The following CSMD3 variants were observed in gnomAD, a reference collection of about 807,000 sequenced individuals.
The protein encoded by CSMD3 is CUB and Sushi multiple domains 3.
In CSMD3, 177 loss-of-function variants were observed where a neutral mutation model predicts 435.2. The observed-to-expected ratio is 0.41, with a 90% CI of 0.36 to 0.46. The LOEUF (loss-of-function observed/expected upper bound fraction) is 0.46, where lower values mean the gene tolerates loss of function less well. Ranked by LOEUF, CSMD3 falls within the 20% of genes least tolerant of loss-of-function variation. The pLI is 0.34. For synonymous variants in CSMD3, 1,656 were observed against 1,520.5 expected (o/e 1.09, Z -2.07); for missense variants, 4,265 against 4,504.6 (o/e 0.95, Z 1.52).
intron 27 of CSMD3, among the ~76,000 whole-genome samples, chr8:112,524,647 T>G (rs2131032089): frequency 6.6e-6 from 1 of 152,072 alleles, no homozygotes; most frequent in South Asian, 2.1e-4. Context: ...CTGAAAAAAT[T>G]ATTAAGCATG....
At chr8:112,984,277 T>C (rs189265367) in intron 6 of CSMD3, among the ~76,000 whole-genome samples, 1 of 152,104 alleles carries the variant, frequency 6.6e-6, no homozygotes, top group Admixed American at 6.6e-5. Flanking sequence ...TACCTTTCAT[T>C]TAGAGAATAT....
At chr8:112,423,890 C>T (rs1404244804) in intron 32 of CSMD3, among the ~76,000 whole-genome samples, 1 of 151,988 alleles carries the variant, frequency 6.6e-6, no homozygotes, top group Non-Finnish European at 1.5e-5. Flanking sequence ...AAGTTCCATG[C>T]GTTGTCTAGG....
rs116156079 is a variant in CSMD3, at chr8:112,546,001, G to A, written c.4564+4670C>T. The stretch of plus-strand genomic sequence containing the variant: ...TAGTAGTTCATTGCTACTAGAAGTA[G>A]CATTTAGCCTATGTCCTGGAAAATG... On this transcript the variant is annotated intron_variant, in intron 27 of 70. Transcript: ENST00000297405. 3.3e-3 allele frequency among the ~76,000 whole-genome samples: 510 copies of A among 152,278 alleles called. 1 individual carries two copies. The highest frequency in any genetic ancestry group is 0.012 in the African/African-American group (488 of 41,560).
At chr8:112,989,439 A>G (rs2085370321) in intron 6 of CSMD3, among the ~76,000 whole-genome samples, 1 of 152,042 alleles carries the variant, frequency 6.6e-6, no homozygotes. Context: ...TCAATATTTT[A>G]TTTCATTCAA....
intron 4 of CSMD3, among the ~76,000 whole-genome samples, chr8:113,163,240 A>G (rs896247903): frequency 2.0e-5 from 3 of 152,076 alleles, no homozygotes; most frequent in African/African-American, 7.2e-5. Context: ...ATTTTTTTGA[A>G]GTTAGTACTT....
At chr8:112,982,072 C>A (rs2085072610) in intron 6 of CSMD3, among the ~76,000 whole-genome samples, 1 of 151,888 alleles carries the variant, frequency 6.6e-6, no homozygotes, top group South Asian at 2.1e-4. Flanking sequence ...TCGTTTCTTG[C>A]TTCACCCAGT....
Position 112,252,179 on chromosome 8 carries a change from C to T in CSMD3, c.10110+2074G>A, listed in dbSNP as rs547706622. 1.2e-3 allele frequency among the ~76,000 whole-genome samples: 186 copies of T among 151,878 alleles called. 1 individual carries two copies. The highest frequency in any genetic ancestry group is 4.1e-3 in the African/African-American group (169 of 41,498). ...GGGCTTCCTAACAGCTGTGATTTTGCGTCATAACTCACTACCGGCCACCTA... is the reference window on the plus strand; with the variant it reads ...GGGCTTCCTAACAGCTGTGATTTTGTGTCATAACTCACTACCGGCCACCTA... On this transcript the variant is annotated intron_variant, in intron 63 of 70. Coordinates refer to ENST00000297405, the MANE Select transcript of CSMD3 (RefSeq NM_198123.2).
intron 1 of CSMD3, among the ~76,000 whole-genome samples, chr8:113,396,350 T>G (rs1377423584): frequency 6.6e-6 from 1 of 152,188 alleles, no homozygotes. Flanking sequence ...AGTTAGTATT[T>G]CTAAGTGTCC....
chr8:113,433,295 T>G lies in CSMD3; in HGVS notation c.178+3382A>C, dbSNP rs187475696. On this transcript the variant is annotated intron_variant, in intron 1 of 70. Coordinates refer to ENST00000297405, the MANE Select transcript of CSMD3 (RefSeq NM_198123.2). ...TGAGACAGATATTTTCCTGATGTGT[T>G]GGGAAAGACTGTCGCCTTATGGGCG... Among the ~76,000 whole-genome samples the G allele has an allele frequency of 3.9e-3, 600 of 152,224 alleles. 3 individuals carry two copies. The highest frequency in any genetic ancestry group is 6.7e-3 in the Non-Finnish European group (459 of 68,012).
intron 22 of CSMD3, among the ~76,000 whole-genome samples, chr8:112,605,847 T>C (rs1330722769): frequency 6.6e-6 from 1 of 152,098 alleles, no homozygotes; most frequent in African/African-American, 2.4e-5. Flanking sequence ...TCTTAATTAA[T>C]TTATATTATG....
At chr8:112,412,088 C>T (rs1262500008) in intron 32 of CSMD3, among the ~76,000 whole-genome samples, 4 of 151,970 alleles carry the variant, frequency 2.6e-5, no homozygotes, top group Non-Finnish European at 5.9e-5. Context: ...TATCTATTAA[C>T]CATCTATTAT....
At chr8:113,420,533 C>T (rs1431606139) in intron 1 of CSMD3, among the ~76,000 whole-genome samples, 1 of 151,928 alleles carries the variant, frequency 6.6e-6, no homozygotes, top group Non-Finnish European at 1.5e-5. Context: ...AGAAAAAATG[C>T]TTAATATTTA....
chr8:112,574,054 T>C (rs76623397), intron 23 of CSMD3, among the ~76,000 whole-genome samples: 2,718 of 152,136 alleles, frequency 0.018, 46 homozygotes, highest in East Asian at 0.081. Context: ...TCCAACAACA[T>C]GACTAACATA....
intron 35 of CSMD3, among the ~76,000 whole-genome samples, chr8:112,401,488 A>C: frequency 6.6e-6 from 1 of 152,282 alleles, no homozygotes; most frequent in East Asian, 1.9e-4. Flanking sequence ...TAGGGTAAGA[A>C]GAAAAGCAGA....
At chr8:112,413,233 GTATC>G (rs1811542811) in intron 32 of CSMD3, among the ~76,000 whole-genome samples, 1 of 152,092 alleles carries the variant, frequency 6.6e-6, no homozygotes, top group South Asian at 2.1e-4. Flanking sequence ...ACAAGGCAGT[GTATC>G]TATCTACTCT....
chr8:113,432,292 G>C (rs118039816), intron 1 of CSMD3, among the ~76,000 whole-genome samples: 1 of 152,284 alleles, frequency 6.6e-6, no homozygotes, highest in Non-Finnish European at 1.5e-5. Context: ...GGTTAACTTA[G>C]CAACTCGGTG....
At chr8:112,616,835 G>C (rs1351317540) in intron 22 of CSMD3, among the ~76,000 whole-genome samples, 1 of 152,102 alleles carries the variant, frequency 6.6e-6, no homozygotes, top group African/African-American at 2.4e-5. Flanking sequence ...CTGTCATTGA[G>C]GAAATAATTC....
intron 10 of CSMD3, among the ~76,000 whole-genome samples, chr8:112,906,172 A>C (rs2082256554): frequency 6.6e-6 from 1 of 151,374 alleles, no homozygotes; most frequent in Admixed American, 6.6e-5. Flanking sequence ...ATGGCTATTT[A>C]GTATAGAATT....
At position 113,265,634 on chromosome 8, in the gene CSMD3, A is replaced by G. The variant is rs556469509; in HGVS notation, c.514+12958T>C. ...CTAGAAAATTAATAAATTATTGTTT[A>G]TATCTAGCCGAATCTGAATATTCAT... On this transcript the variant is annotated intron_variant, in intron 3 of 70. Coordinates refer to ENST00000297405, the MANE Select transcript of CSMD3 (RefSeq NM_198123.2). Among the ~76,000 whole-genome samples, 3 of 151,788 alleles carry G rather than the reference A, an allele frequency of 2.0e-5. No homozygotes were observed. The South Asian group carries it at 6.2e-4, about 31-fold the overall frequency.
Sources: allele counts gnomAD v4.1 joint callset (sites outside exome capture counted in the v4.1 genomes callset), GRCh38; gene constraint gnomAD v4.1.1; transcripts MANE v1.5; gene names NCBI Gene and HGNC (gene_info 2026-07-23, HGNC 2026-07-21).